GRM8: variants seen among roughly 807,000 people sequenced by gnomAD.
GRM8 encodes glutamate metabotropic receptor 8, also known as metabotropic glutamate receptor 8.
Under a neutral mutation model 87.2 loss-of-function variants are expected in GRM8, and 47 were observed. The observed-to-expected ratio is 0.54, with a 90% CI of 0.43 to 0.69. The LOEUF (loss-of-function observed/expected upper bound fraction) is 0.69, where lower values mean the gene tolerates loss of function less well. Ranked by LOEUF, GRM8 falls within the 30% of genes least tolerant of loss-of-function variation. GRM8 has a pLI of 0.00. For synonymous variants in GRM8, 396 were observed against 404.5 expected (o/e 0.98, Z 0.25); for missense variants, 1,019 against 1,139.2 (o/e 0.89, Z 1.52).
chr7:126,988,500 G>C (rs1812332079), intron 3 of GRM8, among the ~76,000 whole-genome samples: 2 of 152,152 alleles, frequency 1.3e-5, no homozygotes, highest in South Asian at 4.1e-4. Context: ...TGATTCATTT[G>C]CTTTCATTCA....
At chr7:126,522,328 C>A (rs920908570) in intron 9 of GRM8, among the ~76,000 whole-genome samples, 1 of 152,126 alleles carries the variant, frequency 6.6e-6, no homozygotes, top group Non-Finnish European at 1.5e-5. Context: ...TTATCCACAT[C>A]CCCTGCAACT....
At chr7:126,487,823 C>T (rs1807551889) in intron 9 of GRM8, among the ~76,000 whole-genome samples, 2 of 151,642 alleles carry the variant, frequency 1.3e-5, no homozygotes, top group South Asian at 2.1e-4. Context: ...CAAAATTCTA[C>T]TTTTTGCTTG....
chr7:126,667,478 G>T (rs887240869), intron 7 of GRM8, among the ~76,000 whole-genome samples: 2 of 152,076 alleles, frequency 1.3e-5, no homozygotes, highest in Non-Finnish European at 1.5e-5. Flanking sequence ...AATTATTCAG[G>T]GAGGATCAAA....
chr7:126,736,111 A>G (rs971024962), intron 7 of GRM8, among the ~76,000 whole-genome samples: 1 of 152,036 alleles, frequency 6.6e-6, no homozygotes, highest in African/African-American at 2.4e-5. Context: ...ACACCACTCT[A>G]GTTAGTATGG....
chr7:127,014,433 T>C (rs1815200512), intron 3 of GRM8, among the ~76,000 whole-genome samples: 1 of 152,050 alleles, frequency 6.6e-6, no homozygotes, highest in African/African-American at 2.4e-5. Flanking sequence ...CATCATGACT[T>C]AGTAGGTTAG....
rs3993578 is a variant in GRM8 at position 127,165,141 on chromosome 7, GATATATATATATATATATATATATATAT to G, written c.511-58457_511-58430del. Among the ~76,000 whole-genome samples, 144 of 67,442 alleles carry G rather than the reference GATATATATATATATATATATATATATAT, an allele frequency of 2.1e-3. 3 individuals carry two copies. Among genetic ancestry groups the G allele is most frequent in the East Asian group, 5.9e-3 (8 of 1,356 alleles). 44.2% of individuals were successfully genotyped at this position (67,442 alleles called of 152,430 possible). A position where few individuals can be genotyped will look rare whatever the true frequency, so the allele number is the denominator to read the frequency against. The stretch of plus-strand genomic sequence containing the variant: ...GAGGCAGATAATAAACATGTAAACA[GATATATATATATATATATATATATATAT>G]ATATATATATATATATATATATATT... On this transcript the variant is annotated intron_variant, in intron 2 of 10. Transcript: ENST00000339582.
At chr7:126,724,782 G>A (rs1023293423) in intron 7 of GRM8, among the ~76,000 whole-genome samples, 11 of 151,852 alleles carry the variant, frequency 7.2e-5, no homozygotes, top group Admixed American at 4.6e-4. Context: ...AAATTGGGGG[G>A]CTTTGACTGT....
rs561862619 is a variant in GRM8 at position 127,013,325 on chromosome 7, G to A, written c.727+93171C>T. Among the ~76,000 whole-genome samples, 14 of 152,256 alleles carry A rather than the reference G, an allele frequency of 9.2e-5. 1 individual carries two copies. The South Asian group carries it at 2.9e-3, about 32-fold the overall frequency. ...CAGTGAACATAAACTGTCAACCTCT[G>A]CTCAGAGAGTCATGACAGCAGAGGC... On this transcript the variant is annotated intron_variant, in intron 3 of 10. Coordinates refer to ENST00000339582, the MANE Select transcript of GRM8 (RefSeq NM_000845.3).
At chr7:126,643,037 T>C (rs377261025) in intron 7 of GRM8, among the ~76,000 whole-genome samples, 1 of 151,808 alleles carries the variant, frequency 6.6e-6, no homozygotes, top group East Asian at 1.9e-4. Flanking sequence ...AAGCCTATAA[T>C]CCCAGCATGT....
At chr7:127,016,988 T>C (rs1171205612) in intron 3 of GRM8, among the ~76,000 whole-genome samples, 1 of 152,100 alleles carries the variant, frequency 6.6e-6, no homozygotes, top group Admixed American at 6.6e-5. Context: ...CCATCTTGAT[T>C]AATGAGATCA....
At chr7:126,955,172 T>C (rs1436508556) in intron 3 of GRM8, among the ~76,000 whole-genome samples, 1 of 152,158 alleles carries the variant, frequency 6.6e-6, no homozygotes, top group Non-Finnish European at 1.5e-5. Context: ...ACTAGCCTTT[T>C]TTAAAAAAGG....
intron 6 of GRM8, among the ~76,000 whole-genome samples, chr7:126,775,176 A>G (rs1328200635): frequency 6.6e-6 from 1 of 151,754 alleles, no homozygotes; most frequent in Non-Finnish European, 1.5e-5. Flanking sequence ...ATTTTAAATA[A>G]TTAAGTCAGT....
intron 6 of GRM8, among the ~76,000 whole-genome samples, chr7:126,802,044 A>G (rs1380991865): frequency 6.6e-6 from 1 of 152,194 alleles, no homozygotes; most frequent in Admixed American, 6.5e-5. Flanking sequence ...TTATGTTAGA[A>G]GCACTTTTTA....
chr7:127,218,031 G>T lies in GRM8; in HGVS notation c.510+24664C>A, dbSNP rs527300234. On this transcript the variant is annotated intron_variant, in intron 2 of 10. Coordinates refer to ENST00000339582, the MANE Select transcript of GRM8 (RefSeq NM_000845.3). ...CCAACCCCCCAGAGCCACTGAATTA[G>T]CATCTCTCATGAGTGGGGCCCAGAA... Among the ~76,000 whole-genome samples, 178 of 152,280 alleles carry T rather than the reference G, an allele frequency of 1.2e-3. 3 individuals carry two copies. Among genetic ancestry groups the T allele is most frequent in the African/African-American group, 4.1e-3 (170 of 41,546 alleles).
chr7:126,703,788 T>A (rs1216329167), intron 7 of GRM8, among the ~76,000 whole-genome samples: 1 of 152,118 alleles, frequency 6.6e-6, no homozygotes, highest in African/African-American at 2.4e-5. Flanking sequence ...TCTCAAACTC[T>A]TGGGCTCAAG....
intron 3 of GRM8, among the ~76,000 whole-genome samples, chr7:127,048,786 T>C (rs1013443557): frequency 6.6e-6 from 1 of 152,230 alleles, no homozygotes; most frequent in Non-Finnish European, 1.5e-5. Context: ...TATGATATTA[T>C]AATTAAGAGT....
At chr7:127,183,572 T>C (rs1374520231) in intron 2 of GRM8, among the ~76,000 whole-genome samples, 1 of 151,576 alleles carries the variant, frequency 6.6e-6, no homozygotes, top group African/African-American at 2.4e-5. Flanking sequence ...TAAATGCATA[T>C]GTTAGAAAAG....
chr7:126,638,005 AGTTT>A (rs1802026424), intron 7 of GRM8, among the ~76,000 whole-genome samples: 1 of 152,142 alleles, frequency 6.6e-6, no homozygotes, highest in African/African-American at 2.4e-5. Context: ...TATCTCCTGA[AGTTT>A]GTTTAAACTG....
At chr7:126,782,322 A>G (rs952273534) in intron 6 of GRM8, among the ~76,000 whole-genome samples, 4 of 152,178 alleles carry the variant, frequency 2.6e-5, no homozygotes, top group Admixed American at 2.0e-4. Context: ...ATTTTTTTCC[A>G]GGTCTGATAA....
Sources: gnomAD v4.1 joint callset for allele counts (sites outside exome capture counted in the v4.1 genomes callset) on GRCh38, gnomAD v4.1.1 for gene constraint, MANE v1.5 for transcripts, NCBI Gene and HGNC (gene_info 2026-07-23, HGNC 2026-07-21) for gene names.